TENM3: variants seen among roughly 807,000 people sequenced by gnomAD.
TENM3 encodes the protein teneurin-3.
A neutral mutation model predicts 255.1 loss-of-function variants in TENM3; 63 were observed. The ratio of observed to expected loss-of-function variants is 0.25; its 90% CI spans 0.20 to 0.30. TENM3 has a LOEUF of 0.30. TENM3 is among the 10% of genes least tolerant of loss of function. TENM3 has a pLI of 1.00. For missense variants in TENM3, 2,929 were observed against 3,461.1 expected (o/e 0.85, Z 3.86); for synonymous variants, 1,306 against 1,322.3 (o/e 0.99, Z 0.27).
intron 22 of TENM3, among the ~76,000 whole-genome samples, chr4:182,763,253 A>G (rs966382802): frequency 2.0e-5 from 3 of 152,204 alleles, no homozygotes; most frequent in African/African-American, 7.2e-5. Context: ...GAAAGATGTC[A>G]TTCTGTTTCA....
chr4:182,443,872 A>C (rs1412290082), intron 3 of TENM3, among the ~76,000 whole-genome samples: 1 of 152,214 alleles, frequency 6.6e-6, no homozygotes, highest in Non-Finnish European at 1.5e-5. Flanking sequence ...ATCTAAAGAA[A>C]GAGCCCTAAG....
the TENM3 span, among the ~76,000 whole-genome samples, chr4:181,506,129 T>C: frequency 6.6e-6 from 1 of 152,106 alleles, no homozygotes; most frequent in Admixed American, 6.5e-5. Context: ...TAAAGACAAA[T>C]ATACTCTGCA....
chr4:181,625,359 G>A, the TENM3 span, among the ~76,000 whole-genome samples: 2 of 152,178 alleles, frequency 1.3e-5, 1 homozygote, highest in East Asian at 3.9e-4. Flanking sequence ...ACTGAAAAAT[G>A]CATTTTCCAT....
chr4:182,314,748 T>C (rs553160848), intron 1 of TENM3, among the ~76,000 whole-genome samples: 8 of 152,380 alleles, frequency 5.3e-5, no homozygotes, highest in Non-Finnish European at 8.8e-5. Context: ...GTGGAGTTTT[T>C]AGACCATTTA....
chr4:182,510,896 C>T (rs1403488490), intron 3 of TENM3, among the ~76,000 whole-genome samples: 2 of 152,182 alleles, frequency 1.3e-5, no homozygotes, highest in Admixed American at 1.3e-4. Flanking sequence ...AATGTAAGTC[C>T]CTGACTGCTC....
the TENM3 span, among the ~76,000 whole-genome samples, chr4:181,462,492 A>C: frequency 0.62 from 94,682 of 151,932 alleles, 30,184 homozygotes; most frequent in African/African-American, 0.73. Context: ...TCACTTCTTT[A>C]TTTCTTTTCT....
intron 1 of TENM3, among the ~76,000 whole-genome samples, chr4:182,245,234 C>T (rs1579873734): frequency 6.6e-6 from 1 of 152,172 alleles, no homozygotes. Context: ...GGGAACAAGA[C>T]ACAATTGTTT....
intron 3 of TENM3, among the ~76,000 whole-genome samples, chr4:182,392,270 G>A (rs534521975): frequency 9.9e-5 from 15 of 152,280 alleles, no homozygotes; most frequent in South Asian, 2.1e-4. Flanking sequence ...GTATTAACAC[G>A]TCTGGTATCA....
At chr4:182,229,437 T>C (rs914860219) in intron 1 of TENM3, among the ~76,000 whole-genome samples, 2 of 152,198 alleles carry the variant, frequency 1.3e-5, no homozygotes, top group Non-Finnish European at 2.9e-5. Flanking sequence ...ACATAATACC[T>C]TCTATTTATG....
At chr4:182,103,143 T>C in the TENM3 span, among the ~76,000 whole-genome samples, 2 of 152,240 alleles carry the variant, frequency 1.3e-5, no homozygotes, top group Non-Finnish European at 2.9e-5. Flanking sequence ...TTTACACATT[T>C]CCTATAAATA....
chr4:182,352,503 C>T (rs1765251339), intron 3 of TENM3, among the ~76,000 whole-genome samples: 1 of 152,124 alleles, frequency 6.6e-6, no homozygotes, highest in Admixed American at 6.5e-5. Context: ...AAGAAGACTT[C>T]ATTTCTCACC....
At chr4:182,771,641 C>T (rs564677710) in intron 22 of TENM3, among the ~76,000 whole-genome samples, 4 of 152,226 alleles carry the variant, frequency 2.6e-5, no homozygotes, top group South Asian at 4.2e-4. Flanking sequence ...CCAAACTGAA[C>T]GACAGAACTT....
chr4:182,498,224 G>A (rs1735985786), intron 3 of TENM3, among the ~76,000 whole-genome samples: 1 of 152,036 alleles, frequency 6.6e-6, no homozygotes, highest in Non-Finnish European at 1.5e-5. Context: ...TTGGAAGGAA[G>A]GCTGACTCGT....
At chr4:181,751,856 A>G in the TENM3 span, among the ~76,000 whole-genome samples, 187 of 152,254 alleles carry the variant, frequency 1.2e-3, no homozygotes, top group African/African-American at 4.1e-3. Flanking sequence ...GGGGACGAAG[A>G]CTGACCTGTA....
the TENM3 span, among the ~76,000 whole-genome samples, chr4:181,613,092 A>G: frequency 7.2e-5 from 11 of 152,182 alleles, no homozygotes; most frequent in Non-Finnish European, 4.4e-5. Flanking sequence ...AAAAACTCTA[A>G]GAGAATTCAC....
the TENM3 span, among the ~76,000 whole-genome samples, chr4:181,829,303 T>C: frequency 2.7e-3 from 413 of 152,334 alleles, 1 homozygote; most frequent in African/African-American, 9.1e-3. Flanking sequence ...TTTCAGGAAG[T>C]GCAGCAACTA....
chr4:181,902,589 G>A, the TENM3 span, among the ~76,000 whole-genome samples: 1 of 152,168 alleles, frequency 6.6e-6, no homozygotes, highest in Non-Finnish European at 1.5e-5. Context: ...ATACTATGCA[G>A]CCATGAAAAA....
chr4:182,222,400 C>T (rs549546821), intron 1 of TENM3, among the ~76,000 whole-genome samples: 92 of 152,350 alleles, frequency 6.0e-4, no homozygotes, highest in African/African-American at 2.1e-3. Context: ...AAACCAACAG[C>T]AAAATTCAGA....
chr4:182,632,172 A>G (rs1267000997), intron 5 of TENM3, among the ~76,000 whole-genome samples: 1 of 152,182 alleles, frequency 6.6e-6, no homozygotes, highest in Non-Finnish European at 1.5e-5. Flanking sequence ...ATCATTCATT[A>G]TACATCATCT....
Sources: gnomAD v4.1 joint callset for allele counts (sites outside exome capture counted in the v4.1 genomes callset) on GRCh38, gnomAD v4.1.1 for gene constraint, MANE v1.5 for transcripts, NCBI Gene and HGNC (gene_info 2026-07-23, HGNC 2026-07-21) for gene names.